The following BPTF variants were observed in gnomAD, a reference collection of about 807,000 sequenced individuals.
The protein encoded by BPTF is nucleosome-remodeling factor subunit BPTF.
BPTF carries 18 observed loss-of-function variants against 292.5 expected under a neutral mutation model. The observed-to-expected ratio is 0.06, with a 90% CI of 0.04 to 0.09. The LOEUF is 0.09. BPTF is among the 10% of genes least tolerant of loss of function. The probability of loss-of-function intolerance (pLI) is 1.00; values close to 1 mark genes in which losing one functional copy is unlikely to be tolerated. For synonymous variants in BPTF, 1,225 were observed against 1,251.9 expected, an observed-to-expected ratio of 0.98 and a Z score of 0.45; for missense variants, 2,726 against 3,498.7, an observed-to-expected ratio of 0.78 and a Z score of 5.57.
chr17:67,931,830 T>G, intron 17 of BPTF, 81 bp from the exon 18 acceptor site: 1 of 982,692 alleles, frequency 1.0e-6, no homozygotes. Flanking sequence ...TATAGAATGT[T>G]TAAAGATCTT....
In BPTF at chr17:67,973,387, A is replaced by AAT. The variant is rs558134930; in HGVS notation, c.8540-2375_8540-2374dup. Among the ~76,000 whole-genome samples the AAT allele has an allele frequency of 4.3e-4, 66 of 151,870 alleles. 2 individuals are homozygous for AAT. The South Asian group carries it at 0.012, about 28-fold the overall frequency. On this transcript the variant is annotated intron_variant, in intron 26 of 27. Transcript: ENST00000306378. Reference sequence around the variant, plus strand: ...AGACTGTCTCAAGAAAAAAAAATAAAATATATATATAACAAAATTTGCCAT... The same window carrying AAT: ...AGACTGTCTCAAGAAAAAAAAATAAAATATATATATATAACAAAATTTGCCAT...
chr17:67,920,953 T>A (rs2063389662), intron 13 of BPTF, among the ~76,000 whole-genome samples: 1 of 152,096 alleles, frequency 6.6e-6, no homozygotes, highest in East Asian at 1.9e-4. Flanking sequence ...ACACCTGTAA[T>A]TCCAGGACTT....
At chr17:67,906,760 A>G (rs2062231273) in intron 9 of BPTF, among the ~76,000 whole-genome samples, 1 of 152,176 alleles carries the variant, frequency 6.6e-6, no homozygotes, top group Admixed American at 6.6e-5. Flanking sequence ...CTTGCTCGCG[A>G]CAGAATTATG....
At chr17:67,832,820 C>T (rs747291985) in intron 1 of BPTF, among the ~76,000 whole-genome samples, 4 of 140,810 alleles carry the variant, frequency 2.8e-5, no homozygotes, top group Non-Finnish European at 4.5e-5. Context: ...CAGAGTCTCG[C>T]TCTGTCACCT....
intron 3 of BPTF, among the ~76,000 whole-genome samples, chr17:67,868,037 G>T (rs750895633): frequency 6.6e-6 from 1 of 151,802 alleles, no homozygotes; most frequent in Non-Finnish European, 1.5e-5. Context: ...ATTTTTTCAG[G>T]CATTTATTTC....
At chr17:67,896,033 G>T (rs911885789) in intron 7 of BPTF, among the ~76,000 whole-genome samples, 2 of 148,344 alleles carry the variant, frequency 1.3e-5, no homozygotes, top group Non-Finnish European at 3.0e-5. Flanking sequence ...GCGTGATCTC[G>T]GCTCACTGCA....
At position 67,945,403 on chromosome 17, in the gene BPTF, T is replaced by C. The variant is rs1555673944; in HGVS notation, c.6701-6T>C. The C allele has an allele frequency of 1.9e-6, 3 of 1,602,398 alleles. No homozygotes were observed. The East Asian group carries it at 6.7e-5, about 36-fold the overall frequency. On this transcript the variant is annotated splice_polypyrimidine_tract_variant and splice_region_variant and intron_variant, in intron 20 of 27. Transcript: ENST00000306378. ...AATAGAAATGGTTCATCTTTCCTTT[T>C]TACAGGTACAGGTGAACAAAGGCAG...
chr17:67,913,256 C>G, intron 11 of BPTF, 69 bp downstream of exon 11: 1 of 1,483,164 alleles, frequency 6.7e-7, no homozygotes, highest in Non-Finnish European at 9.0e-7. Flanking sequence ...AAGAATATCT[C>G]ATTTTTAAAA....
At chr17:67,953,851 A>G (rs1244574121) in intron 23 of BPTF, among the ~76,000 whole-genome samples, 1 of 151,528 alleles carries the variant, frequency 6.6e-6, no homozygotes, top group Non-Finnish European at 1.5e-5. Context: ...AAGTGCTGGG[A>G]TTACAGCTGT....
intron 4 of BPTF, among the ~76,000 whole-genome samples, chr17:67,875,946 T>A (rs557136842): frequency 6.6e-6 from 1 of 152,344 alleles, no homozygotes; most frequent in East Asian, 1.9e-4. Flanking sequence ...CTCATCATAA[T>A]TTTCATGCTT....
At chr17:67,862,763 G>A (rs911876372) in intron 2 of BPTF, among the ~76,000 whole-genome samples, 10 of 151,438 alleles carry the variant, frequency 6.6e-5, no homozygotes. Flanking sequence ...AAACTCAAAG[G>A]TGTCAGCAGG....
At chr17:67,829,704 G>T (rs1397544688) in intron 1 of BPTF, among the ~76,000 whole-genome samples, 1 of 152,180 alleles carries the variant, frequency 6.6e-6, no homozygotes, top group Admixed American at 6.5e-5. Context: ...TGATTGATGA[G>T]TTTGAATCCT....
chr17:67,922,755 A>C, intron 13 of BPTF, 85 bp from the exon 14 acceptor site: 4 of 1,456,846 alleles, frequency 2.7e-6, no homozygotes, highest in Non-Finnish European at 3.7e-6. Flanking sequence ...AAGTTTGCCA[A>C]CCACTTTTTC....
intron 23 of BPTF, among the ~76,000 whole-genome samples, chr17:67,958,229 G>A (rs1410226615): frequency 6.6e-6 from 1 of 152,238 alleles, no homozygotes; most frequent in East Asian, 1.9e-4. Flanking sequence ...GTACTTGGGA[G>A]GCTGAGGTGG....
chr17:67,877,578 T>C (rs1464780629), intron 4 of BPTF, among the ~76,000 whole-genome samples: 8 of 152,262 alleles, frequency 5.3e-5, no homozygotes, highest in Non-Finnish European at 1.2e-4. Flanking sequence ...CGACAAAAGA[T>C]AACTGTCAGA....
At chr17:67,876,358 T>C (rs909423152) in intron 4 of BPTF, among the ~76,000 whole-genome samples, 1 of 152,202 alleles carries the variant, frequency 6.6e-6, no homozygotes, top group African/African-American at 2.4e-5. Flanking sequence ...GGGGACGACT[T>C]CCATTTGAGT....
intron 7 of BPTF, among the ~76,000 whole-genome samples, chr17:67,900,248 A>T (rs2061737016): frequency 6.6e-6 from 1 of 151,812 alleles, no homozygotes; most frequent in African/African-American, 2.4e-5. Context: ...GGGATTACAG[A>T]CAAGTACCAC....
intron 2 of BPTF, among the ~76,000 whole-genome samples, chr17:67,858,074 C>A (rs565417998): frequency 3.5e-4 from 54 of 152,200 alleles, no homozygotes; most frequent in Admixed American, 3.5e-3. Context: ...GCGTGAGCCA[C>A]CGTGCCCGGC....
intron 1 of BPTF, among the ~76,000 whole-genome samples, chr17:67,829,390 C>G (rs2143718198): frequency 6.6e-6 from 1 of 151,634 alleles, no homozygotes; most frequent in East Asian, 1.9e-4. Flanking sequence ...GCAGAACGTG[C>G]AGGTTTGTTG....
Sources: allele counts gnomAD v4.1 joint callset (sites outside exome capture counted in the v4.1 genomes callset), GRCh38; gene constraint gnomAD v4.1.1; transcripts MANE v1.5; gene names NCBI Gene and HGNC (gene_info 2026-07-23, HGNC 2026-07-21).